The following PDE4D variants were observed in gnomAD, a reference collection of about 807,000 sequenced individuals.
The protein encoded by PDE4D is phosphodiesterase 4D, also known as 3',5'-cyclic-AMP phosphodiesterase 4D.
A neutral mutation model predicts 87.4 loss-of-function variants in PDE4D; 24 were observed. That is an observed-to-expected ratio of 0.27 (90% CI 0.20 to 0.39). PDE4D has a LOEUF of 0.39. Among genes scored for constraint, PDE4D ranks in the 10% least tolerant of loss-of-function variants. The pLI, the probability that PDE4D is intolerant of heterozygous loss-of-function variation, is 1.00. For missense variants in PDE4D, 714 were observed against 1,041.0 expected, an observed-to-expected ratio of 0.69 and a Z score of 4.32; for synonymous variants, 384 against 383.2, an observed-to-expected ratio of 1.00 and a Z score of -0.02.
At chr5:60,276,965 T>C (rs916685254) in intron 1 of PDE4D, among the ~76,000 whole-genome samples, 10 of 152,044 alleles carry the variant, frequency 6.6e-5, no homozygotes, top group Non-Finnish European at 1.5e-4. Context: ...AGACAGCATA[T>C]AGTTAGGTCA....
At position 60,002,930 on chromosome 5, in the gene PDE4D, A is replaced by G. The variant is rs141678237; in HGVS notation, c.43-14213T>C. On this transcript the variant is annotated intron_variant, in intron 2 of 16. Coordinates refer to the PDE4D transcript ENST00000502484. The stretch of plus-strand genomic sequence containing the variant: ...AGTAATGAAAGCCCTAGCCAGAGCA[A>G]TTAGGCAAGAAAAAGAAATAAAAGG... 2.8e-4 allele frequency among the ~76,000 whole-genome samples: 43 copies of G among 152,354 alleles called. No individual in the cohort carries two copies. In the East Asian group the frequency reaches 6.9e-3, roughly 25 times the overall value.
At chr5:60,179,200 T>C (rs1036624216) in intron 2 of PDE4D, among the ~76,000 whole-genome samples, 5 of 152,076 alleles carry the variant, frequency 3.3e-5, no homozygotes, top group African/African-American at 7.2e-5. Flanking sequence ...TCCTGGGTAA[T>C]AGGAAGAACA....
intron 1 of PDE4D, among the ~76,000 whole-genome samples, chr5:59,247,974 T>C (rs1301450292): frequency 1.4e-5 from 2 of 139,446 alleles, no homozygotes; most frequent in African/African-American, 5.4e-5. Flanking sequence ...AGCTGGTGTA[T>C]AGAGCTTCCT....
At chr5:59,167,079 A>G (rs887052635) in intron 5 of PDE4D, among the ~76,000 whole-genome samples, 4 of 152,330 alleles carry the variant, frequency 2.6e-5, no homozygotes, top group African/African-American at 9.6e-5. Flanking sequence ...ATTTTTTTAC[A>G]CAGATTATCT....
At chr5:59,816,461 C>T (rs1460149910) in intron 1 of PDE4D, among the ~76,000 whole-genome samples, 1 of 152,184 alleles carries the variant, frequency 6.6e-6, no homozygotes, top group East Asian at 1.9e-4. Context: ...GAGAAGGATC[C>T]TGCCCTCATG....
intron 1 of PDE4D, chr5:60,460,670 G>T: frequency 9.3e-7 from 1 of 1,075,338 alleles, no homozygotes; most frequent in Non-Finnish European, 1.4e-6. Context: ...GTCTCCTCCG[G>T]TCCCAGAGCA....
intron 3 of PDE4D, among the ~76,000 whole-genome samples, chr5:59,928,337 G>T (rs1755505930): frequency 6.6e-6 from 1 of 152,186 alleles, no homozygotes; most frequent in Non-Finnish European, 1.5e-5. Context: ...AAGTAATAGG[G>T]GAGGCTGAGG....
intron 1 of PDE4D, among the ~76,000 whole-genome samples, chr5:59,431,420 T>G (rs1796094729): frequency 6.6e-6 from 1 of 152,058 alleles, no homozygotes; most frequent in African/African-American, 2.4e-5. Flanking sequence ...GAGATAATTT[T>G]TATTTTGAAA....
intron 1 of PDE4D, among the ~76,000 whole-genome samples, chr5:59,705,112 TG>T: frequency 6.6e-6 from 1 of 152,186 alleles, no homozygotes; most frequent in East Asian, 1.9e-4. Flanking sequence ...TGAACACAGC[TG>T]TTTCTGTGAG....
At position 59,363,483 on chromosome 5, in the gene PDE4D, A is replaced by G. The variant is rs536595106; in HGVS notation, c.456-147515T>C. On this transcript the variant is annotated intron_variant, in intron 1 of 14. Transcript: ENST00000340635. ...CAATACATGCCTGGAATATAAGTAA[A>G]TACAGGAATGAAAAAGGTCAGGTCA... Among the ~76,000 whole-genome samples the G allele has an allele frequency of 1.2e-4, 18 of 152,340 alleles. 1 individual carries two copies. In the South Asian group the frequency reaches 3.7e-3, roughly 32 times the overall value.
chr5:59,660,180 C>T (rs1745006113), intron 1 of PDE4D, among the ~76,000 whole-genome samples: 1 of 151,924 alleles, frequency 6.6e-6, no homozygotes, highest in African/African-American at 2.4e-5. Context: ...CAGAGTCTCA[C>T]TCTGTCGCCA....
At chr5:59,637,567 A>AT (rs1485413667) in intron 1 of PDE4D, among the ~76,000 whole-genome samples, 2 of 151,902 alleles carry the variant, frequency 1.3e-5, no homozygotes, top group African/African-American at 2.4e-5. Context: ...CTTTGCAGAC[A>AT]TAAAAAAAAA....
At position 60,076,449 on chromosome 5, in the gene PDE4D, C is replaced by T. The variant is rs577674516; in HGVS notation, c.43-87732G>A. 6.5e-3 allele frequency among the ~76,000 whole-genome samples: 985 copies of T among 152,282 alleles called. 4 individuals are homozygous for T. The highest frequency in any genetic ancestry group is 0.011 in the Non-Finnish European group (734 of 68,012). Reference sequence around the variant, plus strand: ...CTGGGATTACAGGTGTGAGCCACCACGCCTGGCCTGTTCCTCCAATCTTTG... The same window carrying T: ...CTGGGATTACAGGTGTGAGCCACCATGCCTGGCCTGTTCCTCCAATCTTTG... On this transcript the variant is annotated intron_variant, in intron 2 of 16. Coordinates refer to the PDE4D transcript ENST00000502484.
intron 1 of PDE4D, among the ~76,000 whole-genome samples, chr5:60,433,258 A>G (rs1002284848): frequency 1.4e-4 from 22 of 152,236 alleles, no homozygotes; most frequent in African/African-American, 5.3e-4. Context: ...AAGCCCATTA[A>G]AAAGTGGGCA....
intron 2 of PDE4D, among the ~76,000 whole-genome samples, chr5:60,065,204 A>T (rs553473824): frequency 6.6e-6 from 1 of 152,168 alleles, no homozygotes; most frequent in Admixed American, 6.6e-5. Context: ...TATGCAAGAT[A>T]GAATCTATGT....
chr5:59,184,607 A>G (rs561870730), intron 4 of PDE4D, among the ~76,000 whole-genome samples: 7 of 152,138 alleles, frequency 4.6e-5, no homozygotes, highest in Non-Finnish European at 7.4e-5. Context: ...TTTTCCATTT[A>G]ATATTGAAAA....
At chr5:58,983,640 G>A (rs1745751837) in intron 11 of PDE4D, among the ~76,000 whole-genome samples, 1 of 152,124 alleles carries the variant, frequency 6.6e-6, no homozygotes, top group Non-Finnish European at 1.5e-5. Flanking sequence ...TCACACAGAG[G>A]GCTCTGTCAA....
At chr5:60,269,625 G>T (rs1275681976) in intron 1 of PDE4D, among the ~76,000 whole-genome samples, 2 of 152,106 alleles carry the variant, frequency 1.3e-5, no homozygotes, top group East Asian at 1.9e-4. Context: ...CAGAACTAGG[G>T]ATCTATTGTA....
intron 1 of PDE4D, among the ~76,000 whole-genome samples, chr5:60,264,927 G>A (rs1235269256): frequency 6.6e-6 from 1 of 152,182 alleles, no homozygotes; most frequent in Non-Finnish European, 1.5e-5. Flanking sequence ...TTTATCAAGT[G>A]CCAGGGAACA....
Sources: allele counts gnomAD v4.1 joint callset (sites outside exome capture counted in the v4.1 genomes callset), GRCh38; gene constraint gnomAD v4.1.1; transcripts MANE v1.5; gene names NCBI Gene and HGNC (gene_info 2026-07-23, HGNC 2026-07-21).